Variants in PLD3 observed in about 807,000 individuals in gnomAD.
PLD3 encodes the protein phospholipase D family member 3.
PLD3 carries 31 observed loss-of-function variants against 58.4 expected under a neutral mutation model. The observed-to-expected ratio is 0.53, with a 90% CI of 0.40 to 0.72. PLD3 has a LOEUF of 0.72. PLD3 is among the 30% of genes least tolerant of loss of function. The pLI is 0.00. For synonymous variants in PLD3, 264 were observed against 273.4 expected (o/e 0.97, Z 0.34); for missense variants, 595 against 659.8 (o/e 0.90, Z 1.08).
rs770350784 is a variant in PLD3 at position 40,374,596 on chromosome 19, C to T, written c.995C>T (p.Thr332Ile). ...GTCGCTGTCATGAACTACCTGCCCA[C>T]TCTGGAGTTCTCCCACCCTCACAGG... ...IYVAVMNYLP[T>I]LEFSHPHRFW... The change falls in exon 10 of 13, where the codon ACT (threonine) becomes ATT (isoleucine). Residue 332 changes from threonine to isoleucine, a missense_variant. By Grantham distance (89) the Thr-to-Ile change is moderately conservative. Transcript: ENST00000409735. 3 of 1,614,148 alleles carry T rather than the reference C, an allele frequency of 1.9e-6. No homozygotes were observed. Among genetic ancestry groups the T allele is most frequent in the East Asian group, 2.2e-5 (1 of 44,882 alleles).
At chr19:40,364,562 C>T (rs1330026636) in intron 1 of PLD3, among the ~76,000 whole-genome samples, 2 of 151,834 alleles carry the variant, frequency 1.3e-5, no homozygotes, top group Admixed American at 6.6e-5. Flanking sequence ...GGGGCCTAGA[C>T]GGGCGGATCA....
At chr19:40,367,623 G>C in intron 5 of PLD3, 73 bp from the exon 6 acceptor site, 1 of 1,300,650 alleles carries the variant, frequency 7.7e-7, no homozygotes, top group Non-Finnish European at 1.1e-6. Context: ...ACCCATGGAC[G>C]GACAGCTGAG....
At chr19:40,366,963 G>C in intron 5 of PLD3, 48 bp downstream of exon 5, 3 of 1,555,298 alleles carry the variant, frequency 1.9e-6, no homozygotes, top group Non-Finnish European at 2.6e-6. Flanking sequence ...TGCCAGACCA[G>C]GTACACTTAA....
chr19:40,370,379 C>A, intron 8 of PLD3, 142 bp downstream of exon 8: 1 of 902,002 alleles, frequency 1.1e-6, no homozygotes, highest in Non-Finnish European at 1.7e-6. Flanking sequence ...CCTACCAGGC[C>A]TCCCTAATCC....
intron 1 of PLD3, chr19:40,356,329 T>C (rs183046019): frequency 4.6e-5 from 7 of 152,378 alleles, no homozygotes; most frequent in Admixed American, 4.6e-4. Context: ...GCCACAGAGT[T>C]TTTGAGCAGG....
At chr19:40,370,348 G>C (rs982389389) in intron 8 of PLD3, 111 bp downstream of exon 8, 110 of 1,238,522 alleles carry the variant, frequency 8.9e-5, no homozygotes, top group Non-Finnish European at 1.2e-4. Context: ...CCCATTCTCT[G>C]TAATGGCTTC....
At chr19:40,371,360 T>A (rs903010572) in intron 8 of PLD3, 5 of 332,932 alleles carry the variant, frequency 1.5e-5, no homozygotes, top group African/African-American at 8.2e-5. Context: ...GAATGCCTGG[T>A]GCAGGCTGGG....
chr19:40,349,201 AC>A (rs1231185601), intron 1 of PLD3, among the ~76,000 whole-genome samples: 13 of 151,266 alleles, frequency 8.6e-5, no homozygotes, highest in Non-Finnish European at 5.9e-5. Context: ...CCCTCATCAT[AC>A]CCCCAAGTCA....
intron 8 of PLD3, 173 bp downstream of exon 8, chr19:40,370,410 C>A: frequency 1.5e-6 from 1 of 650,400 alleles, no homozygotes; most frequent in Non-Finnish European, 2.5e-6. Flanking sequence ...CGGTGGCTCA[C>A]ACCTATAATC....
chr19:40,365,236 G>A (rs957653601), intron 1 of PLD3, among the ~76,000 whole-genome samples: 5 of 152,202 alleles, frequency 3.3e-5, no homozygotes, highest in African/African-American at 1.2e-4. Flanking sequence ...GAGGAAAGGG[G>A]TCTCCAGTGT....
Position 40,349,930 on chromosome 19 carries a change from C to A in PLD3, c.-279+1162C>A, listed in dbSNP as rs572628891. ...CCGAGATCGCGCCATTGCACTCCAG[C>A]CTGGGCAACAAGAGCGAGACTCCGT... is the stretch of plus-strand genomic sequence containing the variant. On this transcript the variant is annotated intron_variant, in intron 1 of 12. Coordinates refer to ENST00000409735, the MANE Select transcript of PLD3 (RefSeq NM_012268.4). Among the ~76,000 whole-genome samples the A allele has an allele frequency of 3.8e-4, 57 of 148,850 alleles. No individual in the cohort carries two copies. The South Asian group carries it at 0.011, about 29-fold the overall frequency.
chr19:40,355,469 G>A (rs2078632518), intron 1 of PLD3, among the ~76,000 whole-genome samples: 1 of 151,090 alleles, frequency 6.6e-6, no homozygotes, highest in African/African-American at 2.4e-5. Flanking sequence ...CGCGCCACCA[G>A]GGCCTGGCTG....
chr19:40,363,249 C>T (rs913279264), intron 1 of PLD3, among the ~76,000 whole-genome samples: 5 of 152,140 alleles, frequency 3.3e-5, no homozygotes, highest in Non-Finnish European at 4.4e-5. Flanking sequence ...TATGTCTCAC[C>T]AAGGCCTTCA....
At position 40,367,750 on chromosome 19, in the gene PLD3, G is replaced by A. The variant is rs11552734; in HGVS notation, c.300G>A (p.Thr100=). 8.1e-6 allele frequency: 13 copies of A among 1,613,708 alleles called. No homozygotes were observed. The highest frequency in any genetic ancestry group is 2.7e-5 in the African/African-American group (2 of 74,890). The part of the protein sequence containing the change: ...PEGLDFPNAS[T]GNPSTSQAWL... Reference sequence around the variant, plus strand: ...GCCTGGACTTCCCCAATGCCTCCACGGGGAACCCTTCCACCAGCCAGGCCT... The same window carrying A: ...GCCTGGACTTCCCCAATGCCTCCACAGGGAACCCTTCCACCAGCCAGGCCT... The change falls in exon 6 of 13, where the codon ACG becomes ACA. Residue 100 remains threonine (T), a synonymous_variant. Transcript: ENST00000409735.
Position 40,371,751 on chromosome 19 carries a change from T to C in PLD3, c.757T>C (p.Phe253Leu). The change falls in exon 9 of 13, where the codon TTC becomes CTC. Residue 253 changes from phenylalanine (F) to leucine (L), a missense_variant. By Grantham distance (22) the Phe-to-Leu change is conservative (BLOSUM62 0). Transcript: ENST00000409735. ...GACCAAGATCTTTGAGGCCTACTGG[T>C]TCCTGGGCCAGGCAGGCAGCTCCAT... ...DLTKIFEAYW[F>L]LGQAGSSIPS... 2 of 1,613,920 alleles carry C rather than the reference T, an allele frequency of 1.2e-6. No homozygotes were observed. Among genetic ancestry groups the C allele is most frequent in the Non-Finnish European group, 1.7e-6 (2 of 1,179,892 alleles).
intron 9 of PLD3, 53 bp from the exon 10 acceptor site, chr19:40,374,428 T>TA (rs1254102250): frequency 3.1e-6 from 5 of 1,601,998 alleles, no homozygotes; most frequent in African/African-American, 2.7e-5. Context: ...GTGGGGTCCG[T>TA]TGTGACGATG....
At position 40,378,314 on chromosome 19, in the gene PLD3, T is replaced by G; in HGVS notation, c.*141T>G. 1 of 791,880 alleles carries G rather than the reference T, an allele frequency of 1.3e-6. No homozygotes were observed. Among genetic ancestry groups the G allele is most frequent in the Non-Finnish European group, 2.2e-6 (1 of 460,320 alleles). 49.1% of individuals were successfully genotyped at this position (791,880 alleles called of 1,614,324 possible). ...GCTCTCTCCCCTGCTCTCCCACCTC[T>G]ACCTCCACCCCCACCGGCCTGACGC... is the stretch of plus-strand genomic sequence containing the variant. On this transcript the variant is annotated 3_prime_UTR_variant, in exon 13 of 13. Coordinates refer to ENST00000409735, the MANE Select transcript of PLD3 (RefSeq NM_012268.4).
At chr19:40,362,375 C>T (rs918937109) in intron 1 of PLD3, among the ~76,000 whole-genome samples, 2 of 152,218 alleles carry the variant, frequency 1.3e-5, no homozygotes, top group South Asian at 2.1e-4. Flanking sequence ...CTGGCTCTAG[C>T]ACTTACTGTA....
At chr19:40,353,125 C>T (rs2078559379) in intron 1 of PLD3, among the ~76,000 whole-genome samples, 2 of 152,108 alleles carry the variant, frequency 1.3e-5, no homozygotes, top group African/African-American at 4.8e-5. Flanking sequence ...CCATGTACTG[C>T]CCTGGAATAC....
Sources: gnomAD v4.1 joint callset for allele counts (sites outside exome capture counted in the v4.1 genomes callset) on GRCh38, gnomAD v4.1.1 for gene constraint, MANE v1.5 for transcripts, NCBI Gene and HGNC (gene_info 2026-07-23, HGNC 2026-07-21) for gene names.